Variants in RAB6B observed in about 807,000 individuals in gnomAD.
RAB6B encodes the protein RAB6B, member RAS oncogene family.
RAB6B carries 7 observed loss-of-function variants against 31.2 expected under a neutral mutation model. That is an observed-to-expected ratio of 0.22 (90% CI 0.13 to 0.42). RAB6B has a LOEUF of 0.42. Ranked by LOEUF, RAB6B falls within the 10% of genes least tolerant of loss-of-function variation. The pLI is 1.00. For synonymous variants in RAB6B, 105 were observed against 104.9 expected, an observed-to-expected ratio of 1.00 and a Z score of -0.01; for missense variants, 149 against 280.6, an observed-to-expected ratio of 0.53 and a Z score of 3.35.
chr3:133,848,660 A>T (rs1016936438), intron 2 of RAB6B, among the ~76,000 whole-genome samples: 4 of 152,100 alleles, frequency 2.6e-5, no homozygotes, highest in African/African-American at 9.7e-5. Context: ...AAGGGGCCCA[A>T]ACTCCGATGG....
In RAB6B at chr3:133,824,679, A is replaced by C. The variant is rs1378713208; in HGVS notation, c.*4109T>G. 6.6e-6 allele frequency: 1 copy of C among 152,208 alleles called. No individual in the cohort carries two copies. The highest frequency in any genetic ancestry group is 1.5e-5 in the Non-Finnish European group (1 of 68,040). The allele number at this position is 152,208 out of a possible 1,614,324, so 9.4% of individuals were successfully genotyped here. A position where few individuals can be genotyped will look rare whatever the true frequency, so the allele number is the denominator to read the frequency against. On this transcript the variant is annotated 3_prime_UTR_variant, in exon 8 of 8. Coordinates refer to ENST00000285208, the MANE Select transcript of RAB6B (RefSeq NM_016577.4). ...ATCTGTGTGGGTGCCCATGACAATC[A>C]ATCAGAGTAGACTTGGGGACTGGCC...
At position 133,828,063 on chromosome 3, in the gene RAB6B, C is replaced by T. The variant is rs189273720; in HGVS notation, c.*725G>A. ...ACAAGGTTGCCTGTACCCTCAACCC[C>T]CTTCAAGGCTTTTCAGGGAAAGAGA... is the stretch of plus-strand genomic sequence containing the variant. On this transcript the variant is annotated 3_prime_UTR_variant, in exon 8 of 8. Transcript: ENST00000285208. The T allele has an allele frequency of 7.7e-5, 53 of 688,934 alleles. No homozygotes were observed. The African/African-American group carries it at 8.1e-4, about 10-fold the overall frequency. The allele number at this position is 688,934 out of a possible 1,614,324, so 42.7% of individuals were successfully genotyped here.
rs1349831752 is a variant in RAB6B, at chr3:133,864,638, C to T, written c.75G>A (p.Gly25=). Residue 25 remains glycine, a synonymous_variant, in exon 2 of 8, where the codon GGG becomes GGA. Transcript: ENST00000285208. The part of the protein sequence containing the change: ...KLVFLGEQSV[G]KTSLITRFMY... ...TGAACCTCGTAATCAGAGACGTCTTCCCGACTGCAAAACAACAAGGAGAGA... is the reference window on the plus strand; with the variant it reads ...TGAACCTCGTAATCAGAGACGTCTTTCCGACTGCAAAACAACAAGGAGAGA... 2 of 1,613,984 alleles carry T rather than the reference C, an allele frequency of 1.2e-6. No individual in the cohort carries two copies. Among genetic ancestry groups the T allele is most frequent in the Non-Finnish European group, 1.7e-6 (2 of 1,179,926 alleles).
At chr3:133,829,503 C>G (rs140474431) in intron 7 of RAB6B, among the ~76,000 whole-genome samples, 3 of 152,174 alleles carry the variant, frequency 2.0e-5, no homozygotes, top group Non-Finnish European at 2.9e-5. Context: ...CCTTCCTCAT[C>G]GGGCTCAAAA....
chr3:133,874,746 T>C (rs1353417631), intron 1 of RAB6B, among the ~76,000 whole-genome samples: 1 of 152,230 alleles, frequency 6.6e-6, no homozygotes, highest in Non-Finnish European at 1.5e-5. Context: ...ACATACACTG[T>C]ACAGCTATGC....
intron 2 of RAB6B, among the ~76,000 whole-genome samples, chr3:133,855,304 AT>A (rs980536690): frequency 1.3e-5 from 2 of 152,176 alleles, no homozygotes; most frequent in Non-Finnish European, 2.9e-5. Context: ...GGGGGAGGGG[AT>A]GTTGGCTCAG....
intron 1 of RAB6B, among the ~76,000 whole-genome samples, chr3:133,872,779 T>C (rs1482158285): frequency 1.3e-5 from 2 of 152,234 alleles, no homozygotes; most frequent in Non-Finnish European, 2.9e-5. Context: ...CAGATGGTAA[T>C]TAAGAAATAT....
chr3:133,857,538 TCC>T (rs1405885068), intron 2 of RAB6B, among the ~76,000 whole-genome samples: 1 of 150,408 alleles, frequency 6.6e-6, no homozygotes, highest in Non-Finnish European at 1.5e-5. Flanking sequence ...CTGTCCCATC[TCC>T]CCCAGGTGCT....
chr3:133,892,829 A>AG (rs1320149901), intron 1 of RAB6B, among the ~76,000 whole-genome samples: 2 of 152,252 alleles, frequency 1.3e-5, no homozygotes, highest in African/African-American at 2.4e-5. Context: ...CAGGCTGCAG[A>AG]GAATGCTGGC....
At chr3:133,880,786 G>A (rs1364623172) in intron 1 of RAB6B, among the ~76,000 whole-genome samples, 1 of 152,222 alleles carries the variant, frequency 6.6e-6, no homozygotes, top group Non-Finnish European at 1.5e-5. Flanking sequence ...GGAGCACAAG[G>A]GGCAGAGTGA....
chr3:133,879,981 T>C (rs969815724), intron 1 of RAB6B, among the ~76,000 whole-genome samples: 3 of 152,196 alleles, frequency 2.0e-5, no homozygotes, highest in Admixed American at 2.0e-4. Flanking sequence ...TTCAATTGGT[T>C]TGAGGCTCAA....
At chr3:133,883,296 CTCTCT>C (rs1485142079) in intron 1 of RAB6B, among the ~76,000 whole-genome samples, 3 of 152,234 alleles carry the variant, frequency 2.0e-5, no homozygotes, top group Non-Finnish European at 4.4e-5. Flanking sequence ...AACAGCCTTT[CTCTCT>C]TCTCATTTCC....
chr3:133,888,595 A>C (rs766032884), intron 1 of RAB6B, among the ~76,000 whole-genome samples: 4 of 152,230 alleles, frequency 2.6e-5, no homozygotes, highest in Admixed American at 2.6e-4. Context: ...CTTGTTACCA[A>C]GAGATCAGAA....
intron 1 of RAB6B, among the ~76,000 whole-genome samples, chr3:133,886,475 T>C (rs1936548897): frequency 6.6e-6 from 1 of 152,214 alleles, no homozygotes; most frequent in South Asian, 2.1e-4. Flanking sequence ...GATGAGGTAC[T>C]CTTCCCCTGA....
chr3:133,852,926 C>T (rs1936008156), intron 2 of RAB6B, among the ~76,000 whole-genome samples: 2 of 152,194 alleles, frequency 1.3e-5, no homozygotes, highest in African/African-American at 4.8e-5. Context: ...TCCCTCCAGC[C>T]ACCAGGAAAC....
intron 1 of RAB6B, among the ~76,000 whole-genome samples, chr3:133,881,965 G>A (rs1936472029): frequency 6.6e-6 from 1 of 152,142 alleles, no homozygotes; most frequent in African/African-American, 2.4e-5. Flanking sequence ...TATTTCCATG[G>A]GTCAGGAGTC....
intron 2 of RAB6B, among the ~76,000 whole-genome samples, chr3:133,853,593 T>C (rs374637678): frequency 1.4e-4 from 22 of 152,014 alleles, no homozygotes; most frequent in African/African-American, 4.6e-4. Context: ...CACTCAAACA[T>C]ACTTGGATGG....
At chr3:133,865,160 C>CATGGACAGG (rs1936218439) in intron 1 of RAB6B, among the ~76,000 whole-genome samples, 1 of 152,230 alleles carries the variant, frequency 6.6e-6, no homozygotes, top group Admixed American at 6.5e-5. Flanking sequence ...CCATGTCTCT[C>CATGGACAGG]ATGGACAGGA....
chr3:133,874,538 C>G lies in RAB6B; in HGVS notation c.71-9896G>C, dbSNP rs995162978. On this transcript the variant is annotated intron_variant, in intron 1 of 7. Transcript: ENST00000285208. ...TGGAAGTCGTTCTGGGTGAGTCAGT[C>G]AGTGAGTGGTGAGTAAATGTGAAAG... 1.1e-4 allele frequency among the ~76,000 whole-genome samples: 16 copies of G among 152,306 alleles called. No homozygotes were observed. The East Asian group carries it at 2.5e-3, about 24-fold the overall frequency.
Sources: allele counts gnomAD v4.1 joint callset (sites outside exome capture counted in the v4.1 genomes callset), GRCh38; gene constraint gnomAD v4.1.1; transcripts MANE v1.5; gene names NCBI Gene and HGNC (gene_info 2026-07-23, HGNC 2026-07-21).